Variants in FAM184A observed in about 807,000 individuals in gnomAD.
FAM184A encodes protein FAM184A.
Under a neutral mutation model 143.8 loss-of-function variants are expected in FAM184A, and 99 were observed. The ratio of observed to expected loss-of-function variants is 0.69; its 90% confidence interval spans 0.58 to 0.81. The LOEUF (loss-of-function observed/expected upper bound fraction) is 0.81, where lower values mean the gene tolerates loss of function less well. FAM184A is among the 40% of genes least tolerant of loss of function. The probability of loss-of-function intolerance (pLI) is 0.00; values close to 1 mark genes in which losing one functional copy is unlikely to be tolerated. For missense variants in FAM184A, 1,217 were observed against 1,310.5 expected (o/e 0.93, Z 1.10); for synonymous variants, 427 against 446.4 (o/e 0.96, Z 0.55).
intron 14 of FAM184A, among the ~76,000 whole-genome samples, chr6:118,972,565 T>C (rs1441744522): frequency 1.3e-5 from 2 of 152,180 alleles, no homozygotes; most frequent in Non-Finnish European, 2.9e-5. Context: ...GAAAAGCAGG[T>C]AGTTTACTTA....
rs367833718 is a variant in FAM184A at position 118,960,197 on chromosome 6, A to G, written c.3342-13T>C. 2 of 1,607,820 alleles carry G rather than the reference A, an allele frequency of 1.2e-6. No homozygotes were observed. Among genetic ancestry groups the G allele is most frequent in the Admixed American group, 3.4e-5 (2 of 58,806 alleles). ...ACTCTGAGCAGGACTGAATTCATAAAAAGAGAGACATGTAACCCAGCATTA... is the reference window on the plus strand; with the variant it reads ...ACTCTGAGCAGGACTGAATTCATAAGAAGAGAGACATGTAACCCAGCATTA... On this transcript the variant is annotated splice_polypyrimidine_tract_variant and intron_variant, in intron 17 of 17. Coordinates refer to ENST00000338891, the MANE Select transcript of FAM184A (RefSeq NM_024581.6).
chr6:119,095,822 G>A (rs936269457), intron 1 of FAM184A, among the ~76,000 whole-genome samples: 3 of 152,124 alleles, frequency 2.0e-5, no homozygotes, highest in Non-Finnish European at 4.4e-5. Context: ...ACTTCCCAAA[G>A]CACTGAGATT....
intron 1 of FAM184A, among the ~76,000 whole-genome samples, chr6:119,044,973 A>G (rs1426771277): frequency 1.3e-5 from 2 of 152,232 alleles, no homozygotes; most frequent in Non-Finnish European, 2.9e-5. Flanking sequence ...TGCACCAAAT[A>G]TGTTGAGCAA....
rs1783806017 is a variant in FAM184A at position 118,975,068 on chromosome 6, C to T, written c.2724G>A (p.Gly908=). ...SALTKELEFK[G]KEILRIRSES... ...CACTTCGTATTCTGAGAATTTCTTT[C>T]CCCTTAAATTCCAGTTCTTTGGTTA... The change falls in exon 13 of 18, where the codon GGG becomes GGA. Residue 908 remains glycine, a synonymous_variant. Transcript: ENST00000338891. The T allele has an allele frequency of 2.5e-6, 4 of 1,613,230 alleles. No individual in the cohort carries two copies. Among genetic ancestry groups the T allele is most frequent in the Non-Finnish European group, 2.5e-6 (3 of 1,179,592 alleles).
chr6:119,097,942 C>A (rs1158094322), intron 1 of FAM184A, among the ~76,000 whole-genome samples: 1 of 152,200 alleles, frequency 6.6e-6, no homozygotes, highest in Non-Finnish European at 1.5e-5. Context: ...CTGAACCAAA[C>A]TGGGGCCCTC....
chr6:118,967,352 CTG>C (rs912135618), intron 14 of FAM184A, among the ~76,000 whole-genome samples: 8 of 152,170 alleles, frequency 5.3e-5, no homozygotes, highest in African/African-American at 1.9e-4. Flanking sequence ...CAATACAATA[CTG>C]TGTGATAACA....
intron 16 of FAM184A, 181 bp from the exon 17 acceptor site, chr6:118,962,144 T>C: frequency 1.7e-6 from 1 of 605,080 alleles, no homozygotes; most frequent in Non-Finnish European, 2.9e-6. Flanking sequence ...ATTTTTTATC[T>C]ACATGGAATC....
intron 1 of FAM184A, among the ~76,000 whole-genome samples, chr6:119,122,390 TA>T (rs1413065250): frequency 6.6e-6 from 1 of 152,196 alleles, no homozygotes; most frequent in African/African-American, 2.4e-5. Context: ...GAGGAGACTT[TA>T]TTTTTTACAA....
intron 1 of FAM184A, among the ~76,000 whole-genome samples, chr6:119,092,064 G>C (rs916465953): frequency 3.3e-5 from 5 of 152,186 alleles, no homozygotes. Context: ...GAGAACATTA[G>C]TGTGAGGCAT....
intron 7 of FAM184A, 151 bp downstream of exon 7, chr6:119,006,296 A>AATTT (rs1784917529): frequency 3.6e-6 from 3 of 833,680 alleles, no homozygotes; most frequent in African/African-American, 1.7e-5. Context: ...TGTTGTTTTA[A>AATTT]ATTCCCCAGT....
chr6:118,970,083 A>C (rs1783649937), intron 14 of FAM184A, among the ~76,000 whole-genome samples: 1 of 140,234 alleles, frequency 7.1e-6, no homozygotes, highest in Non-Finnish European at 1.5e-5. Flanking sequence ...AGTTACCTGC[A>C]ACCTCCACCT....
chr6:119,137,712 C>G (rs1772062164), intron 1 of FAM184A, among the ~76,000 whole-genome samples: 1 of 152,154 alleles, frequency 6.6e-6, no homozygotes, highest in South Asian at 2.1e-4. Context: ...AGGGGTTTGT[C>G]AGGTTCTATG....
At chr6:119,007,170 A>G (rs1037122636) in intron 6 of FAM184A, among the ~76,000 whole-genome samples, 1 of 152,208 alleles carries the variant, frequency 6.6e-6, no homozygotes, top group African/African-American at 2.4e-5. Context: ...GCTAATAGAT[A>G]ATTGCTGATT....
intron 1 of FAM184A, among the ~76,000 whole-genome samples, chr6:119,111,058 T>C (rs604937): frequency 0.53 from 81,002 of 151,994 alleles, 21,818 homozygotes; most frequent in South Asian, 0.58. Flanking sequence ...AAAATTGAAG[T>C]TTCTATTTGT....
At position 119,076,210 on chromosome 6, in the gene FAM184A, G is replaced by A. The variant is rs113175763; in HGVS notation, c.159+1931C>T. Among the ~76,000 whole-genome samples, 1,081 of 152,216 alleles carry A rather than the reference G, an allele frequency of 7.1e-3. 5 individuals carry two copies. Among genetic ancestry groups the A allele is most frequent in the Middle Eastern group, 0.014 (4 of 294 alleles). On this transcript the variant is annotated intron_variant, in intron 1 of 17. Coordinates refer to ENST00000338891, the MANE Select transcript of FAM184A (RefSeq NM_024581.6). ...CACAGGATATCCCACAATCAACAAGGAATTATCCAGTCCAAAATGTCAATA... is the reference window on the plus strand; with the variant it reads ...CACAGGATATCCCACAATCAACAAGAAATTATCCAGTCCAAAATGTCAATA...
At chr6:119,131,957 A>C (rs1789545101) in intron 1 of FAM184A, among the ~76,000 whole-genome samples, 1 of 152,244 alleles carries the variant, frequency 6.6e-6, no homozygotes, top group Non-Finnish European at 1.5e-5. Context: ...TTTGGAAAAG[A>C]GGTTATATGA....
chr6:119,004,854 G>GTT (rs1468943416), intron 7 of FAM184A, among the ~76,000 whole-genome samples: 1 of 152,122 alleles, frequency 6.6e-6, no homozygotes, highest in East Asian at 1.9e-4. Flanking sequence ...AACTGAATCA[G>GTT]TAAGCCCAAT....
At position 119,022,389 on chromosome 6, in the gene FAM184A, AT is replaced by A. The variant is rs1785479625; in HGVS notation, c.1150+555del. 2.0e-5 allele frequency among the ~76,000 whole-genome samples: 3 copies of A among 151,786 alleles called. No individual in the cohort carries two copies. In the South Asian group the frequency reaches 6.2e-4, roughly 31 times the overall value. The stretch of plus-strand genomic sequence containing the variant: ...TTCTTTTAGTGACTACTTTATTGGT[AT>A]TTTACCTGCTATTGGTATTTTTCCT... On this transcript the variant is annotated intron_variant, in intron 3 of 17. Transcript: ENST00000338891.
chr6:119,011,544 A>T, intron 5 of FAM184A, 113 bp from the exon 6 acceptor site: 1 of 666,486 alleles, frequency 1.5e-6, no homozygotes. Context: ...TCTTCAAATT[A>T]GCCTTACCCT....
Sources: allele counts gnomAD v4.1 joint callset (sites outside exome capture counted in the v4.1 genomes callset), GRCh38; gene constraint gnomAD v4.1.1; transcripts MANE v1.5; gene names NCBI Gene and HGNC (gene_info 2026-07-23, HGNC 2026-07-21).